SVOP: variants seen among roughly 807,000 people sequenced by gnomAD.
The protein encoded by SVOP is synaptic vesicle 2-related protein.
A neutral mutation model predicts 69.1 loss-of-function variants in SVOP; 17 were observed. That is an observed-to-expected ratio of 0.25 (90% CI 0.17 to 0.37). The LOEUF (loss-of-function observed/expected upper bound fraction) is 0.37. Ranked by LOEUF, SVOP falls within the 10% of genes least tolerant of loss-of-function variation. The pLI, the probability that SVOP is intolerant of heterozygous loss-of-function variation, is 1.00. For missense variants in SVOP, 435 were observed against 597.5 expected (o/e 0.73, Z 2.84); for synonymous variants, 238 against 238.6 (o/e 1.00, Z 0.02).
intron 6 of SVOP, among the ~76,000 whole-genome samples, chr12:108,959,406 T>C (rs1435839604): frequency 1.4e-5 from 2 of 145,510 alleles, no homozygotes; most frequent in African/African-American, 2.5e-5. Flanking sequence ...CAGGCTGGAG[T>C]GCAGCAGTAC....
At chr12:108,965,206 C>T (rs1197727940) in intron 5 of SVOP, among the ~76,000 whole-genome samples, 3 of 152,204 alleles carry the variant, frequency 2.0e-5, no homozygotes, top group East Asian at 3.8e-4. Flanking sequence ...CTCACAGCAG[C>T]CCTGTGAACA....
intron 11 of SVOP, among the ~76,000 whole-genome samples, chr12:108,929,246 T>C (rs923763969): frequency 6.6e-6 from 1 of 152,256 alleles, no homozygotes; most frequent in Non-Finnish European, 1.5e-5. Context: ...AGGAAAGATA[T>C]GCTTCCTCCC....
At chr12:108,961,545 C>A (rs141606573) in intron 5 of SVOP, among the ~76,000 whole-genome samples, 6,488 of 149,666 alleles carry the variant, frequency 0.043, 509 homozygotes, top group African/African-American at 0.15. Flanking sequence ...CAAAATTGTT[C>A]TTTTCAGAAA....
At chr12:108,958,392 AT>A (rs1388393687) in intron 6 of SVOP, among the ~76,000 whole-genome samples, 1 of 151,554 alleles carries the variant, frequency 6.6e-6, no homozygotes, top group Admixed American at 6.6e-5. Flanking sequence ...TTGTGTTCGA[AT>A]TGTCTGCAGT....
intron 8 of SVOP, 141 bp from the exon 9 acceptor site, chr12:108,939,096 C>T (rs756080363): frequency 1.1e-4 from 127 of 1,188,368 alleles, no homozygotes; most frequent in Non-Finnish European, 1.4e-4. Flanking sequence ...ATCCTGGCCC[C>T]ACCATTTATT....
At chr12:109,020,560 G>T (rs1378046596) in intron 1 of SVOP, among the ~76,000 whole-genome samples, 19 of 152,162 alleles carry the variant, frequency 1.2e-4, no homozygotes, top group Admixed American at 1.2e-3. Flanking sequence ...ATCCTTTTAG[G>T]ATTGAGAGCA....
intron 1 of SVOP, among the ~76,000 whole-genome samples, chr12:108,997,380 G>C (rs1266514615): frequency 2.0e-5 from 3 of 150,940 alleles, no homozygotes; most frequent in African/African-American, 7.3e-5. Context: ...AGCGAGGCTG[G>C]GGGAGGGGCG....
In SVOP at chr12:108,946,535, A is replaced by G. The variant is rs370102727; in HGVS notation, c.579-1369T>C. Reference sequence around the variant, plus strand: ...AATCAGTATAGACTTGTGGAGTCCTATTTATACAATGGGTCGAAGCCTGTT... The same window carrying G: ...AATCAGTATAGACTTGTGGAGTCCTGTTTATACAATGGGTCGAAGCCTGTT... On this transcript the variant is annotated intron_variant, in intron 6 of 15. Coordinates refer to ENST00000610966, the MANE Select transcript of SVOP (RefSeq NM_018711.5). Among the ~76,000 whole-genome samples, 26 of 151,934 alleles carry G rather than the reference A, an allele frequency of 1.7e-4. No homozygotes were observed. The South Asian group carries it at 4.8e-3, about 28-fold the overall frequency.
chr12:108,950,122 G>A (rs188746964), intron 6 of SVOP, among the ~76,000 whole-genome samples: 49 of 152,234 alleles, frequency 3.2e-4, no homozygotes, highest in Middle Eastern at 3.4e-3. Context: ...GGAGTGTAAT[G>A]GTGCAATCAT....
At chr12:109,013,549 C>T (rs997511497) in intron 1 of SVOP, among the ~76,000 whole-genome samples, 2 of 152,126 alleles carry the variant, frequency 1.3e-5, no homozygotes, top group African/African-American at 2.4e-5. Flanking sequence ...TGCCACCACA[C>T]CTGGCTAATT....
intron 5 of SVOP, among the ~76,000 whole-genome samples, chr12:108,967,774 CGT>C (rs927501812): frequency 1.3e-5 from 2 of 152,178 alleles, no homozygotes; most frequent in Non-Finnish European, 2.9e-5. Context: ...CCTCCCCCAA[CGT>C]GTGACAATCA....
intron 5 of SVOP, among the ~76,000 whole-genome samples, chr12:108,965,939 C>T (rs981764791): frequency 2.6e-5 from 4 of 151,356 alleles, no homozygotes; most frequent in African/African-American, 9.7e-5. Context: ...TCCTTCCTTC[C>T]TTCTTTCCTT....
In SVOP at chr12:108,927,589, C is replaced by CTTT. The variant is rs10679632; in HGVS notation, c.1049-4795_1049-4793dup. On this transcript the variant is annotated intron_variant, in intron 11 of 15. Coordinates refer to ENST00000610966, the MANE Select transcript of SVOP (RefSeq NM_018711.5). ...CTAATGACAAAGACTCTCTCTCTCTCTTTTTTTTTTTTTTTTTTTGAAAGA... is the reference window on the plus strand; with the variant it reads ...CTAATGACAAAGACTCTCTCTCTCTCTTTTTTTTTTTTTTTTTTTTTTGAAAGA... Among the ~76,000 whole-genome samples the CTTT allele has an allele frequency of 9.9e-3, 1,301 of 131,204 alleles. 31 individuals carry two copies. Among genetic ancestry groups the CTTT allele is most frequent in the African/African-American group, 0.034 (1,181 of 35,042 alleles). 86.1% of individuals were successfully genotyped at this position (131,204 alleles called of 152,430 possible).
chr12:109,018,927 G>A (rs1375630558), intron 1 of SVOP, among the ~76,000 whole-genome samples: 1 of 152,128 alleles, frequency 6.6e-6, no homozygotes, highest in Non-Finnish European at 1.5e-5. Context: ...GATCCTCATT[G>A]TGTAGCTAAG....
At chr12:109,013,857 G>A (rs73413028) in intron 1 of SVOP, among the ~76,000 whole-genome samples, 4,821 of 151,844 alleles carry the variant, frequency 0.032, 276 homozygotes, top group African/African-American at 0.11. Context: ...CCCCACCACC[G>A]AGTTCCTGGA....
chr12:109,017,959 A>G (rs1402610933), intron 1 of SVOP, among the ~76,000 whole-genome samples: 1 of 152,210 alleles, frequency 6.6e-6, no homozygotes, highest in Non-Finnish European at 1.5e-5. Flanking sequence ...TTAAATAGCC[A>G]CATGTAGCTA....
At chr12:108,983,198 T>A in intron 2 of SVOP, among the ~76,000 whole-genome samples, 1 of 150,002 alleles carries the variant, frequency 6.7e-6, no homozygotes, top group East Asian at 2.0e-4. Flanking sequence ...CATCACAGTC[T>A]TCATCACTAT....
rs115538104 is a variant in SVOP at position 108,937,063 on chromosome 12, A to G, written c.971+201T>C. The G allele has an allele frequency of 3.7e-4, 215 of 577,890 alleles. No individual in the cohort carries two copies. In the African/African-American group the frequency reaches 3.8e-3, roughly 10 times the overall value. 35.8% of individuals were successfully genotyped at this position (577,890 alleles called of 1,614,324 possible). A position where few individuals can be genotyped will look rare whatever the true frequency, so the allele number is the denominator to read the frequency against. ...CACGGTGATTAAAAGCAGTCAAGTT[A>G]AAGAAAAAGATGAAGGAAATGATAG... On this transcript the variant is annotated intron_variant, in intron 10 of 15. Transcript: ENST00000610966.
chr12:108,969,716 T>TCCTTCCTTCCTTCC (rs202068520), intron 5 of SVOP, among the ~76,000 whole-genome samples: 20 of 147,098 alleles, frequency 1.4e-4, no homozygotes, highest in African/African-American at 3.8e-4. Context: ...CTCCTTTTTT[T>TCCTTCCTTCCTTCC]TCCTTCCTTC....
Sources: allele counts gnomAD v4.1 joint callset (sites outside exome capture counted in the v4.1 genomes callset), GRCh38; gene constraint gnomAD v4.1.1; transcripts MANE v1.5; gene names NCBI Gene and HGNC (gene_info 2026-07-23, HGNC 2026-07-21).